Variants in PRRX2 observed in about 807,000 individuals in gnomAD.
The protein encoded by PRRX2 is paired related homeobox 2.
A neutral mutation model predicts 18.0 loss-of-function variants in PRRX2; 11 were observed. The ratio of observed to expected loss-of-function variants is 0.61; its 90% CI spans 0.39 to 1.01. The LOEUF is 1.01. Among genes scored for constraint, PRRX2 ranks in the 50% least tolerant of loss-of-function variants. The pLI is 0.01. For missense variants in PRRX2, 387 were observed against 351.0 expected (o/e 1.10, Z -0.82); for synonymous variants, 177 against 154.8 (o/e 1.14, Z -1.06).
In PRRX2 at chr9:129,675,926, C is replaced by G. The variant is rs538465949; in HGVS notation, c.259+9800C>G. 1.3e-5 allele frequency among the ~76,000 whole-genome samples: 2 copies of G among 152,282 alleles called. No individual in the cohort carries two copies. The highest frequency in any genetic ancestry group is 6.5e-5 in the Admixed American group (1 of 15,290). On this transcript the variant is annotated intron_variant, in intron 1 of 3. Coordinates refer to ENST00000372469, the MANE Select transcript of PRRX2 (RefSeq NM_016307.4). The surrounding 1 kb of genome is among the most constrained non-coding windows in gnomAD (Gnocchi z 4.4). ...CCTTTCATTAGACTAACAAATAACG[C>G]GTAACAGAAAACAGCTGTTAACAGC...
At chr9:129,722,120 G>A in intron 3 of PRRX2, 97 bp from the exon 4 acceptor site, 1 of 1,512,796 alleles carries the variant, frequency 6.6e-7, no homozygotes. Flanking sequence ...AGGAGAGCAA[G>A]CTAAGGAGGG....
At chr9:129,668,778 C>CAAAAAAAA (rs562855941) in intron 1 of PRRX2, among the ~76,000 whole-genome samples, 7 of 58,402 alleles carry the variant, frequency 1.2e-4, no homozygotes, top group Admixed American at 2.0e-4. Context: ...GACTCCATCT[C>CAAAAAAAA]AAAAAAAAAA....
intron 1 of PRRX2, among the ~76,000 whole-genome samples, chr9:129,714,184 A>C (rs550005624): frequency 6.6e-6 from 1 of 151,908 alleles, no homozygotes; most frequent in East Asian, 2.0e-4. Context: ...GGACGCCTGT[A>C]ATCCCAGCTA....
intron 1 of PRRX2, among the ~76,000 whole-genome samples, chr9:129,685,696 C>T (rs2130915590): frequency 6.6e-6 from 1 of 152,346 alleles, no homozygotes; most frequent in East Asian, 1.9e-4. Context: ...TTTCCAGTCT[C>T]CCATTTTCCT....
intron 1 of PRRX2, among the ~76,000 whole-genome samples, chr9:129,694,457 T>C (rs1832396600): frequency 1.3e-5 from 2 of 152,298 alleles, no homozygotes; most frequent in African/African-American, 4.8e-5. Flanking sequence ...AGTGCTGGGA[T>C]TATGGGCATA....
At chr9:129,721,805 T>C (rs968681215) in intron 3 of PRRX2, among the ~76,000 whole-genome samples, 3 of 152,156 alleles carry the variant, frequency 2.0e-5, no homozygotes, top group Non-Finnish European at 4.4e-5. Context: ...GGTCTCGAAC[T>C]CCTGATCTCA....
rs1170180530 is a variant in PRRX2, at chr9:129,715,312, A to AC, written c.260-3919_260-3918insC. Among the ~76,000 whole-genome samples the AC allele has an allele frequency of 2.5e-4, 38 of 152,138 alleles. 1 individual carries two copies. The highest frequency in any genetic ancestry group is 2.5e-3 in the Admixed American group (38 of 15,258). ...TCCTGTGTCTTGAAAGATATTTAGC[A>AC]AGGCCAAGCATGGTGGCTCGTGCCT... On this transcript the variant is annotated intron_variant, in intron 1 of 3. Transcript: ENST00000372469. This position sits in a 1 kb window ranked among gnomAD's most constrained non-coding sequence, Gnocchi z 4.0.
intron 1 of PRRX2, among the ~76,000 whole-genome samples, chr9:129,677,490 G>A (rs1384907753): frequency 6.6e-6 from 1 of 152,212 alleles, no homozygotes; most frequent in Admixed American, 6.5e-5. Context: ...GGATGGGGGG[G>A]TTCCTCCCCA....
At chr9:129,689,535 G>C (rs1272601455) in intron 1 of PRRX2, among the ~76,000 whole-genome samples, 1 of 152,116 alleles carries the variant, frequency 6.6e-6, no homozygotes, top group African/African-American at 2.4e-5. Context: ...GGCTTATTTG[G>C]GACAAGTGGT....
intron 3 of PRRX2, among the ~76,000 whole-genome samples, chr9:129,721,790 A>G (rs1021665259): frequency 6.6e-6 from 1 of 152,150 alleles, no homozygotes; most frequent in African/African-American, 2.4e-5. Context: ...CATGTTGGCC[A>G]GGCTGGTCTC....
At chr9:129,682,246 G>A (rs1250716380) in intron 1 of PRRX2, among the ~76,000 whole-genome samples, 3 of 152,178 alleles carry the variant, frequency 2.0e-5, no homozygotes, top group Non-Finnish European at 2.9e-5. Context: ...CCTACTCAGA[G>A]GCGTGGGTGG....
chr9:129,684,458 A>ACACACACACACACACC (rs375037713), intron 1 of PRRX2, among the ~76,000 whole-genome samples: 3 of 118,610 alleles, frequency 2.5e-5, no homozygotes, highest in African/African-American at 8.7e-5. Context: ...ACACACACAC[A>ACACACACACACACACC]CCCAACAGAA....
At chr9:129,721,733 C>T (rs1249591339) in intron 3 of PRRX2, among the ~76,000 whole-genome samples, 5 of 152,136 alleles carry the variant, frequency 3.3e-5, no homozygotes, top group Non-Finnish European at 5.9e-5. Context: ...ACGCCCGTCA[C>T]CACGCCAAGC....
At chr9:129,685,867 G>A (rs961481922) in intron 1 of PRRX2, among the ~76,000 whole-genome samples, 3 of 152,212 alleles carry the variant, frequency 2.0e-5, no homozygotes, top group East Asian at 1.9e-4. Flanking sequence ...GAGGGAACCC[G>A]GTTCTTGGTG....
At chr9:129,688,566 G>A (rs569851808) in intron 1 of PRRX2, among the ~76,000 whole-genome samples, 5 of 152,258 alleles carry the variant, frequency 3.3e-5, no homozygotes, top group East Asian at 1.9e-4. Flanking sequence ...CATCATCCAC[G>A]TCAGGACAAG....
intron 1 of PRRX2, among the ~76,000 whole-genome samples, chr9:129,711,691 G>A (rs542504072): frequency 6.6e-6 from 1 of 152,204 alleles, no homozygotes; most frequent in African/African-American, 2.4e-5. Context: ...TTACAGGCAT[G>A]AGCCACGGCG....
intron 1 of PRRX2, among the ~76,000 whole-genome samples, chr9:129,679,661 C>G (rs1832203525): frequency 1.3e-5 from 2 of 152,140 alleles, no homozygotes; most frequent in South Asian, 4.1e-4. Context: ...CCTCTCCAGG[C>G]CTGGTTAGGA....
intron 1 of PRRX2, among the ~76,000 whole-genome samples, chr9:129,711,817 A>G (rs772079915): frequency 6.6e-6 from 1 of 152,134 alleles, no homozygotes; most frequent in Non-Finnish European, 1.5e-5. Context: ...CTCCTTAACC[A>G]GTAGGCGGTA....
At chr9:129,717,467 G>A (rs1207689511) in intron 1 of PRRX2, among the ~76,000 whole-genome samples, 6 of 151,900 alleles carry the variant, frequency 3.9e-5, no homozygotes, top group East Asian at 1.9e-4. Context: ...GAGGCGAGGC[G>A]GGCAGATTGC....
Sources: allele counts gnomAD v4.1 joint callset (sites outside exome capture counted in the v4.1 genomes callset), GRCh38; gene constraint gnomAD v4.1.1; non-coding constraint Gnocchi (gnomAD v3.1); transcripts MANE v1.5; gene names NCBI Gene and HGNC (gene_info 2026-07-23, HGNC 2026-07-21).